BRDT: variants seen among roughly 807,000 people sequenced by gnomAD.
BRDT encodes bromodomain testis-specific protein.
A neutral mutation model predicts 113.9 loss-of-function variants in BRDT; 77 were observed. That is an observed-to-expected ratio of 0.68 (90% CI 0.56 to 0.82). The LOEUF (loss-of-function observed/expected upper bound fraction) is 0.82. Among genes scored for constraint, BRDT ranks in the 40% least tolerant of loss-of-function variants. The pLI is 0.00. For missense variants in BRDT, 1,027 were observed against 1,105.4 expected, an observed-to-expected ratio of 0.93 and a Z score of 1.01; for synonymous variants, 358 against 366.5, an observed-to-expected ratio of 0.98 and a Z score of 0.26.
intron 5 of BRDT, 44 bp downstream of exon 5, chr1:91,976,482 A>T (rs751774212): frequency 1.8e-5 from 26 of 1,406,992 alleles, no homozygotes; most frequent in Non-Finnish European, 2.4e-5. Context: ...TTAACACTGG[A>T]TTTTTTTTTT....
At chr1:91,960,583 G>C (rs1459084718) in intron 1 of BRDT, among the ~76,000 whole-genome samples, 1 of 152,176 alleles carries the variant, frequency 6.6e-6, no homozygotes, top group South Asian at 2.1e-4. Flanking sequence ...TAGAGTTTCT[G>C]TTTTGCAAGA....
intron 18 of BRDT, among the ~76,000 whole-genome samples, chr1:92,008,383 T>G (rs1687518527): frequency 6.6e-6 from 1 of 152,156 alleles, no homozygotes; most frequent in East Asian, 1.9e-4. Context: ...TCATAGACTT[T>G]TATTTTTTAG....
At chr1:91,981,456 G>C in intron 11 of BRDT, 75 bp downstream of exon 11, 2 of 1,505,028 alleles carry the variant, frequency 1.3e-6, no homozygotes, top group Non-Finnish European at 1.8e-6. Flanking sequence ...TATTGCCCAG[G>C]CTGGTCTTGA....
At chr1:91,979,837 C>G in intron 8 of BRDT, 80 bp downstream of exon 8, 5 of 1,369,234 alleles carry the variant, frequency 3.7e-6, no homozygotes, top group Non-Finnish European at 5.0e-6. Context: ...AGATTTAAAG[C>G]TGTTATAGTT....
rs1684637587 is a variant in BRDT at position 91,980,712 on chromosome 1, G to C, written c.1357G>C (p.Glu453Gln). The C allele has an allele frequency of 6.2e-7, 1 of 1,606,690 alleles. No homozygotes were observed. The highest frequency in any genetic ancestry group is 1.1e-5 in the South Asian group (1 of 88,688). ...TTTCCGTAAGCTAAATAAAAAGAAA[G>C]AGAAGTCTAAAAAGGAAAAGAAAAA... ...VPFRKLNKKK[E>Q]KSKKEKKKEK... The change falls in exon 9 of 19, where the codon GAG (glutamate) becomes CAG (glutamine). Residue 453 changes from glutamate (E) to glutamine (Q), a missense_variant. Glu to Gln is a conservative substitution (Grantham distance 29). Transcript: ENST00000399546.
chr1:92,010,577 T>C (rs1398533812), intron 18 of BRDT, among the ~76,000 whole-genome samples: 1 of 152,072 alleles, frequency 6.6e-6, no homozygotes, highest in Non-Finnish European at 1.5e-5. Flanking sequence ...ATGAGCCACC[T>C]GCACCTGGGC....
Position 91,979,599 on chromosome 1 carries a change from C to A in BRDT, c.1129C>A (p.Pro377Thr). The A allele has an allele frequency of 6.2e-7, 1 of 1,608,036 alleles. No homozygotes were observed. The highest frequency in any genetic ancestry group is 8.5e-7 in the Non-Finnish European group (1 of 1,178,722). ...DVFETHFSKIPIEPVESMPLC... is the reference protein window; with the variant it reads ...DVFETHFSKITIEPVESMPLC... ...TTTCGAAACGCATTTTTCAAAGATC[C>A]CGATTGAACCTGTTGAGAGTATGCC... The change falls in exon 8 of 19, where the codon CCG (proline) becomes ACG (threonine). Residue 377 changes from proline (P) to threonine (T), a missense_variant. Transcript: ENST00000399546.
At chr1:91,968,118 C>T in intron 3 of BRDT, 28 bp from the exon 4 acceptor site, 1 of 1,609,728 alleles carries the variant, frequency 6.2e-7, no homozygotes, top group Non-Finnish European at 8.5e-7. Flanking sequence ...ACTGTATATC[C>T]TTATGGTATA....
intron 12 of BRDT, among the ~76,000 whole-genome samples, chr1:91,987,016 C>T (rs1341186852): frequency 6.6e-6 from 1 of 151,552 alleles, no homozygotes; most frequent in African/African-American, 2.4e-5. Context: ...CAGCTAACTG[C>T]AAACTCTGCC....
intron 12 of BRDT, among the ~76,000 whole-genome samples, chr1:91,983,074 CAATAT>C (rs993054185): frequency 1.6e-4 from 25 of 151,980 alleles, no homozygotes; most frequent in Non-Finnish European, 3.2e-4. Context: ...AGGAAAAGTA[CAATAT>C]AATACAGAGT....
At chr1:91,984,626 G>A (rs1434686752) in intron 12 of BRDT, among the ~76,000 whole-genome samples, 1 of 152,030 alleles carries the variant, frequency 6.6e-6, no homozygotes, top group Non-Finnish European at 1.5e-5. Flanking sequence ...ATATAAATAT[G>A]AAAAAATAAT....
intron 18 of BRDT, among the ~76,000 whole-genome samples, chr1:92,013,237 A>G (rs1458876599): frequency 6.7e-6 from 1 of 150,206 alleles, no homozygotes; most frequent in African/African-American, 2.4e-5. Context: ...AAAAAAGATT[A>G]AAAAAAATGT....
Position 91,979,690 on chromosome 1 carries a change from C to G in BRDT, c.1220C>G (p.Ser407Cys). The G allele has an allele frequency of 6.2e-7, 1 of 1,613,992 alleles. No individual in the cohort carries two copies. The highest frequency in any genetic ancestry group is 8.5e-7 in the Non-Finnish European group (1 of 1,180,002). Residue 407 changes from serine to cysteine, a missense_variant, in exon 8 of 19, where the codon TCT (serine) becomes TGT (cysteine). Transcript: ENST00000399546. ...TGRENTNEAS[S>C]EGNSSDDSED... ...AGAGAGAACACTAATGAAGCCTCCT[C>G]TGAAGGGAACTCTTCTGATGATTCT...
In BRDT at chr1:91,992,318, A is replaced by G. The variant is rs369468505; in HGVS notation, c.2115+4A>G. 6.7e-7 allele frequency: 1 copy of G among 1,492,084 alleles called. No individual in the cohort carries two copies. Among genetic ancestry groups the G allele is most frequent in the Non-Finnish European group, 9.0e-7 (1 of 1,114,670 alleles). The allele number at this position is 1,492,084 out of a possible 1,614,324, so 92.4% of individuals were successfully genotyped here. On this transcript the variant is annotated splice_donor_region_variant and intron_variant, in intron 14 of 18. Coordinates refer to ENST00000399546, the MANE Select transcript of BRDT (RefSeq NM_207189.4). ...AGGAAGAACAGGCGTCACACAGGTAATGCTTAAAATGTGTTTTAAAGAACA... is the reference window on the plus strand; with the variant it reads ...AGGAAGAACAGGCGTCACACAGGTAGTGCTTAAAATGTGTTTTAAAGAACA...
chr1:91,991,101 CTG>C, intron 12 of BRDT, 81 bp from the exon 13 acceptor site: 2 of 887,770 alleles, frequency 2.3e-6, no homozygotes, highest in African/African-American at 1.7e-5. Context: ...CCAGCCCCCA[CTG>C]TGTTTCTAAT....
chr1:92,001,008 C>T (rs1029054546), intron 15 of BRDT, among the ~76,000 whole-genome samples: 7 of 152,154 alleles, frequency 4.6e-5, no homozygotes, highest in Admixed American at 2.0e-4. Context: ...AGACTTACTG[C>T]GTTTCACATC....
intron 1 of BRDT, among the ~76,000 whole-genome samples, chr1:91,956,934 G>A (rs145389376): frequency 1.7e-3 from 256 of 152,170 alleles, no homozygotes; most frequent in African/African-American, 6.1e-3. Flanking sequence ...GCAAGACCCT[G>A]TCTCCAAAAA....
At chr1:91,992,427 AAAAC>A (rs1685880773) in intron 14 of BRDT, 113 bp downstream of exon 14, 5 of 672,138 alleles carry the variant, frequency 7.4e-6, no homozygotes, top group Non-Finnish European at 9.6e-6. Flanking sequence ...AAAAAAAAAA[AAAAC>A]CACAGCAAGT....
intron 4 of BRDT, among the ~76,000 whole-genome samples, chr1:91,973,140 G>C (rs1683785615): frequency 6.6e-6 from 1 of 152,160 alleles, no homozygotes; most frequent in Non-Finnish European, 1.5e-5. Context: ...TACCAAATTT[G>C]AGCAAGGCCA....
Sources: allele counts gnomAD v4.1 joint callset (sites outside exome capture counted in the v4.1 genomes callset), GRCh38; gene constraint gnomAD v4.1.1; transcripts MANE v1.5; gene names NCBI Gene and HGNC (gene_info 2026-07-23, HGNC 2026-07-21).